CACNA1C: variants seen among roughly 807,000 people sequenced by gnomAD.
CACNA1C encodes the protein calcium voltage-gated channel subunit alpha1 C.
A neutral mutation model predicts 229.0 loss-of-function variants in CACNA1C; 30 were observed. The observed-to-expected ratio is 0.13, with a 90% CI of 0.10 to 0.18. CACNA1C has a LOEUF of 0.18. Among genes scored for constraint, CACNA1C ranks in the 10% least tolerant of loss-of-function variants. The probability of loss-of-function intolerance (pLI) is 1.00; values close to 1 mark genes in which losing one functional copy is unlikely to be tolerated. For synonymous variants in CACNA1C, 1,114 were observed against 1,132.5 expected, an observed-to-expected ratio of 0.98 and a Z score of 0.33; for missense variants, 1,658 against 2,845.0, an observed-to-expected ratio of 0.58 and a Z score of 9.49.
chr12:2,297,212 C>A (rs1566931758), intron 3 of CACNA1C, among the ~76,000 whole-genome samples: 1 of 152,190 alleles, frequency 6.6e-6, no homozygotes, highest in East Asian at 1.9e-4. Context: ...TCTCTAGGGA[C>A]AGGAGCACAG....
intron 1 of CACNA1C, chr12:1,991,358 A>C: frequency 2.4e-6 from 1 of 412,812 alleles, no homozygotes; most frequent in Non-Finnish European, 4.8e-6. Context: ...TATGAAAAAC[A>C]AATTAAAATA....
chr12:2,560,220 A>G (rs2046724857), intron 11 of CACNA1C, among the ~76,000 whole-genome samples: 1 of 152,264 alleles, frequency 6.6e-6, no homozygotes, highest in Non-Finnish European at 1.5e-5. Context: ...GGAATATCAA[A>G]GGTTACAAAT....
At chr12:2,500,110 C>T (rs1200801466) in intron 7 of CACNA1C, among the ~76,000 whole-genome samples, 2 of 152,208 alleles carry the variant, frequency 1.3e-5, no homozygotes, top group African/African-American at 4.8e-5. Context: ...CCTCGTCCGT[C>T]TCCATCTCTC....
intron 6 of CACNA1C, among the ~76,000 whole-genome samples, chr12:2,492,954 G>A (rs1377403521): frequency 6.6e-6 from 1 of 152,204 alleles, no homozygotes; most frequent in African/African-American, 2.4e-5. Context: ...TTACAACAGT[G>A]AGTGGAAAGG....
At chr12:2,211,923 G>A (rs1355002957) in intron 3 of CACNA1C, among the ~76,000 whole-genome samples, 1 of 151,836 alleles carries the variant, frequency 6.6e-6, no homozygotes, top group Non-Finnish European at 1.5e-5. Context: ...GTTTCACCAT[G>A]TTGGCCAGGC....
At chr12:2,232,447 A>G (rs1312965051) in intron 3 of CACNA1C, among the ~76,000 whole-genome samples, 1 of 151,934 alleles carries the variant, frequency 6.6e-6, no homozygotes, top group African/African-American at 2.4e-5. Context: ...GTGTCCTATC[A>G]AAGGGTAAAG....
At chr12:2,218,802 G>A (rs574803712) in intron 3 of CACNA1C, among the ~76,000 whole-genome samples, 7 of 152,344 alleles carry the variant, frequency 4.6e-5, no homozygotes, top group Admixed American at 1.3e-4. Flanking sequence ...CAGGTTGCAC[G>A]TAGGGGTCTG....
intron 3 of CACNA1C, among the ~76,000 whole-genome samples, chr12:2,245,451 C>T (rs1041728285): frequency 2.0e-5 from 3 of 152,194 alleles, no homozygotes; most frequent in African/African-American, 7.2e-5. Flanking sequence ...CCTCTCCTTG[C>T]CGGGAGAGTG....
At chr12:2,588,393 C>T (rs909275359) in intron 18 of CACNA1C, among the ~76,000 whole-genome samples, 1 of 152,232 alleles carries the variant, frequency 6.6e-6, no homozygotes, top group African/African-American at 2.4e-5. Flanking sequence ...AGGGAGCACA[C>T]TGCCATGCTC....
chr12:2,325,247 G>C (rs972866832), intron 3 of CACNA1C, among the ~76,000 whole-genome samples: 1 of 152,134 alleles, frequency 6.6e-6, no homozygotes, highest in African/African-American at 2.4e-5. Context: ...CATACTATCT[G>C]GTCTCGAGAC....
At chr12:2,046,727 G>A (rs1488033057) in intron 1 of CACNA1C, among the ~76,000 whole-genome samples, 1 of 152,164 alleles carries the variant, frequency 6.6e-6, no homozygotes, top group Non-Finnish European at 1.5e-5. Context: ...CACACTCCGA[G>A]TACTCTGGCT....
intron 9 of CACNA1C, among the ~76,000 whole-genome samples, chr12:2,545,398 T>C (rs904991769): frequency 6.6e-6 from 1 of 152,116 alleles, no homozygotes; most frequent in African/African-American, 2.4e-5. Context: ...CAACTTCCCA[T>C]GGCCTGCCAT....
chr12:2,567,485 A>G lies in CACNA1C; in HGVS notation c.1670-84A>G, dbSNP rs141963114. On this transcript the variant is annotated intron_variant, in intron 12 of 46. Transcript: ENST00000399655. ...ATGGGGGATCTTTTTTCCAATGGAG[A>G]TAATTACTGTATTTCCTTTCCCTGC... The G allele has an allele frequency of 1.3e-4, 107 of 805,252 alleles. No individual in the cohort carries two copies. The African/African-American group carries it at 1.7e-3, about 13-fold the overall frequency. The allele number at this position is 805,252 out of a possible 1,614,324, so 49.9% of individuals were successfully genotyped here.
In CACNA1C at chr12:2,534,572, G is replaced by T. The variant is rs201200573; in HGVS notation, c.1391-15371G>T. On this transcript the variant is annotated intron_variant, in intron 9 of 46. Transcript: ENST00000399655. ...TTTTCCAAGGCAAAGAAATCTTAGA[G>T]ATCTCCTCTCAACCTTCACCTCCCC... Among the ~76,000 whole-genome samples, 38 of 152,226 alleles carry T rather than the reference G, an allele frequency of 2.5e-4. No homozygotes were observed. In the East Asian group the frequency reaches 6.9e-3, roughly 28 times the overall value.
chr12:2,528,054 ATGAGT>A, intron 9 of CACNA1C, among the ~76,000 whole-genome samples: 1 of 152,206 alleles, frequency 6.6e-6, no homozygotes, highest in Non-Finnish European at 1.5e-5. Flanking sequence ...CCTTGATTAG[ATGAGT>A]TGAGAATACA....
intron 13 of CACNA1C, among the ~76,000 whole-genome samples, chr12:2,576,564 C>T (rs2058468314): frequency 6.6e-6 from 1 of 152,166 alleles, no homozygotes; most frequent in Admixed American, 6.5e-5. Flanking sequence ...AGGAAAAAAG[C>T]TTCAGCTGAT....
chr12:2,378,228 A>G (rs182592937), intron 3 of CACNA1C, among the ~76,000 whole-genome samples: 1 of 152,322 alleles, frequency 6.6e-6, no homozygotes, highest in East Asian at 1.9e-4. Flanking sequence ...CAGATTCTAG[A>G]GGTAGAAACA....
At chr12:2,641,581 A>T in intron 30 of CACNA1C, 1 of 600,720 alleles carries the variant, frequency 1.7e-6, no homozygotes, top group East Asian at 2.9e-5. Context: ...TTTCGGCAAC[A>T]GCCCCCACCC....
intron 4 of CACNA1C, among the ~76,000 whole-genome samples, chr12:2,455,219 A>G (rs1371326866): frequency 6.6e-6 from 1 of 152,136 alleles, no homozygotes; most frequent in Non-Finnish European, 1.5e-5. Context: ...CTCCACGCCC[A>G]CTTCTAGTAA....
Sources: gnomAD v4.1 joint callset for allele counts (sites outside exome capture counted in the v4.1 genomes callset) on GRCh38, gnomAD v4.1.1 for gene constraint, MANE v1.5 for transcripts, NCBI Gene and HGNC (gene_info 2026-07-23, HGNC 2026-07-21) for gene names.